IFT172: variants seen among roughly 807,000 people sequenced by gnomAD.
IFT172 encodes the protein intraflagellar transport 172, also known as intraflagellar transport protein 172 homolog.
IFT172 carries 164 observed loss-of-function variants against 248.9 expected under a neutral mutation model. The ratio of observed to expected loss-of-function variants is 0.66; its 90% confidence interval spans 0.58 to 0.75. The LOEUF (loss-of-function observed/expected upper bound fraction) is 0.75. IFT172 is among the 30% of genes least tolerant of loss of function. The probability of loss-of-function intolerance (pLI) is 0.00; values close to 1 mark genes in which losing one functional copy is unlikely to be tolerated. For synonymous variants in IFT172, 729 were observed against 791.6 expected, an observed-to-expected ratio of 0.92 and a Z score of 1.33; for missense variants, 1,950 against 2,192.4, an observed-to-expected ratio of 0.89 and a Z score of 2.21.
chr2:27,445,177 G>C lies in IFT172; in HGVS notation c.5069-72C>G, dbSNP rs543062555. On this transcript the variant is annotated intron_variant, in intron 46 of 47. Coordinates refer to ENST00000260570, the MANE Select transcript of IFT172 (RefSeq NM_015662.3). The surrounding 1 kb of genome is among the most constrained non-coding windows in gnomAD (Gnocchi z 4.4). ...GGAGGGAAAAATGAGGAGCAGCCTG[G>C]GGGGTAGAAAGCACAGTCCTGTCTT... The C allele has an allele frequency of 3.1e-6, 5 of 1,599,298 alleles. No homozygotes were observed. Among genetic ancestry groups the C allele is most frequent in the Admixed American group, 1.7e-5 (1 of 58,050 alleles).
chr2:27,454,173 G>T lies in IFT172; in HGVS notation c.3531-11C>A, dbSNP rs1489039902. The T allele has an allele frequency of 1.2e-6, 2 of 1,610,162 alleles. No homozygotes were observed. ...TGGTTATGGACAAACCTGCCTCCAG[G>T]TGGGGACAGAGGAGAGACTGAGTAT... On this transcript the variant is annotated splice_polypyrimidine_tract_variant and intron_variant, in intron 32 of 47. Transcript: ENST00000260570. This position sits in a 1 kb window ranked among gnomAD's most constrained non-coding sequence, Gnocchi z 4.2.
At chr2:27,461,858 G>A (rs1180799114) in intron 20 of IFT172, 22 bp from the exon 21 acceptor site, 2 of 1,613,760 alleles carry the variant, frequency 1.2e-6, no homozygotes, top group Non-Finnish European at 1.7e-6. Flanking sequence ...AGGCAGAGCA[G>A]AGAGGGACAC....
At chr2:27,446,082 G>A (rs1665065525) in intron 43 of IFT172, 94 bp from the exon 44 acceptor site, 1 of 1,494,194 alleles carries the variant, frequency 6.7e-7, no homozygotes. Flanking sequence ...GAGCAAGCTG[G>A]GCTTGAATGC....
At chr2:27,457,602 G>T in intron 29 of IFT172, 37 bp downstream of exon 29, 1 of 1,542,968 alleles carries the variant, frequency 6.5e-7, no homozygotes, top group Non-Finnish European at 8.9e-7. Flanking sequence ...GGGAAAGAAG[G>T]ATGGATGTAT....
intron 35 of IFT172, among the ~76,000 whole-genome samples, chr2:27,451,389 A>G (rs1161205067): frequency 2.6e-5 from 4 of 152,188 alleles, no homozygotes; most frequent in African/African-American, 9.6e-5. Flanking sequence ...GCTGATTAAA[A>G]TCTGCTAGAA....
At chr2:27,456,709 T>G (rs933355679) in intron 29 of IFT172, 56 bp from the exon 30 acceptor site, 8 of 1,577,640 alleles carry the variant, frequency 5.1e-6, no homozygotes, top group Non-Finnish European at 6.9e-6. Context: ...CCTTCTCATC[T>G]CTGACCTCGG....
At chr2:27,468,848 CAAAAAAAAAAAA>C (rs563611084) in intron 16 of IFT172, among the ~76,000 whole-genome samples, 1 of 60,310 alleles carries the variant, frequency 1.7e-5, no homozygotes, top group Non-Finnish European at 3.3e-5. Context: ...CACTCCGTCT[CAAAAAAAAAAAA>C]AGAAAAAAAA....
At chr2:27,459,234 G>T in intron 25 of IFT172, 144 bp downstream of exon 25, 1 of 1,031,336 alleles carries the variant, frequency 9.7e-7, no homozygotes, top group Non-Finnish European at 1.4e-6. Flanking sequence ...AAAGTAAACT[G>T]TTCTCTTCCC....
intron 23 of IFT172, 117 bp downstream of exon 23, chr2:27,460,898 C>T (rs1666604302): frequency 9.4e-7 from 1 of 1,062,152 alleles, no homozygotes; most frequent in Non-Finnish European, 1.4e-6. Flanking sequence ...TCTCTCGTCC[C>T]ACCTTACGAG....
rs1279330875 is a variant in IFT172, at chr2:27,463,143, A to C, written c.1976T>G (p.Phe659Cys). 1.2e-6 allele frequency: 2 copies of C among 1,614,188 alleles called. No homozygotes were observed. Among genetic ancestry groups the C allele is most frequent in the Non-Finnish European group, 8.5e-7 (1 of 1,180,034 alleles). Residue 659 changes from phenylalanine (F) to cysteine (C), a missense_variant, in exon 19 of 48, where the codon TTC becomes TGC. Around this residue, in one of 3 missense-constraint regions of IFT172, gnomAD observed 1,166 missense variants for 1,254.1 expected, o/e 0.93. Coordinates refer to ENST00000260570, the MANE Select transcript of IFT172 (RefSeq NM_015662.3). ...TGCAATCTCATTGGTCTCATGCAGGAATCGAGCTTTTGCTACTTGGCCCAA... is the reference window on the plus strand; with the variant it reads ...TGCAATCTCATTGGTCTCATGCAGGCATCGAGCTTTTGCTACTTGGCCCAA... ...SALGQVAKAR[F>C]LHETNEIADQ...
In IFT172 at chr2:27,445,068, C is replaced by T. The variant is rs2148464737; in HGVS notation, c.5106G>A (p.Arg1702=). Residue 1702 remains arginine (R), a synonymous_variant, in exon 47 of 48, where the codon CGG becomes CGA. Coordinates refer to ENST00000260570, the MANE Select transcript of IFT172 (RefSeq NM_015662.3). This position sits in a 1 kb window ranked among gnomAD's most constrained non-coding sequence, Gnocchi z 4.4. ...PILRNKIEFK[R]PGKAANKDNW... is the part of the protein sequence containing the mutation. ...TGTCCTTGTTAGCAGCCTTCCCTGG[C>T]CGCTTAAATTCAATTTTGTTCCTCA... 1.2e-6 allele frequency: 2 copies of T among 1,614,016 alleles called. No homozygotes were observed. Among genetic ancestry groups the T allele is most frequent in the Non-Finnish European group, 1.7e-6 (2 of 1,180,026 alleles).
intron 27 of IFT172, 55 bp downstream of exon 27, chr2:27,458,071 G>T (rs148164251): frequency 7.4e-6 from 12 of 1,610,932 alleles, no homozygotes; most frequent in Non-Finnish European, 1.0e-5. Flanking sequence ...CCCATCCCTC[G>T]TCCCAGCCTT....
At chr2:27,467,303 T>G (rs1468578750) in intron 16 of IFT172, among the ~76,000 whole-genome samples, 5 of 150,088 alleles carry the variant, frequency 3.3e-5, no homozygotes, top group Non-Finnish European at 7.4e-5. Flanking sequence ...CCAGATGCAG[T>G]GGCTCATGCC....
intron 26 of IFT172, among the ~76,000 whole-genome samples, chr2:27,458,462 C>G (rs140851011): frequency 3.9e-4 from 59 of 152,212 alleles, no homozygotes; most frequent in African/African-American, 1.4e-3. Flanking sequence ...CCCATTACCA[C>G]GGTAACCACT....
chr2:27,477,168 A>G (rs1572813189), intron 13 of IFT172, 49 bp downstream of exon 13: 2 of 1,521,512 alleles, frequency 1.3e-6, no homozygotes, highest in East Asian at 4.5e-5. Flanking sequence ...TAGGAGTCCA[A>G]AAGGAATTAT....
intron 30 of IFT172, 42 bp downstream of exon 30, chr2:27,456,469 T>C (rs1351225834): frequency 6.3e-7 from 1 of 1,582,238 alleles, no homozygotes; most frequent in Non-Finnish European, 8.6e-7. Context: ...ATAGTGGCTC[T>C]GGCTGGGATG....
Position 27,446,267 on chromosome 2 carries a change from G to A in IFT172, c.4748C>T (p.Ala1583Val), listed in dbSNP as rs1349603900. ...VDKAFYEAGI[A>V]AKAVGWDNMA... ...TTCCTTGTCCCAGCTCACCTTGGCA[G>A]CAATGCCTGCTTCATAGAAGGCTTT... Residue 1583 changes from alanine to valine, a missense_variant, in exon 43 of 48, where the codon GCT becomes GTT. By Grantham distance (64) the Ala-to-Val change is moderately conservative (BLOSUM62 0). Around this residue, in one of 3 missense-constraint regions of IFT172, gnomAD observed 620 missense variants for 699.0 expected, o/e 0.89. Coordinates refer to ENST00000260570, the MANE Select transcript of IFT172 (RefSeq NM_015662.3). 8 of 1,614,062 alleles carry A rather than the reference G, an allele frequency of 5.0e-6. No individual in the cohort carries two copies. The highest frequency in any genetic ancestry group is 6.8e-6 in the Non-Finnish European group (8 of 1,179,904).
rs1267958 is a variant in IFT172 at position 27,452,688 on chromosome 2, T to C, written c.3951+696A>G. On this transcript the variant is annotated intron_variant, in intron 35 of 47. Transcript: ENST00000260570. Reference sequence around the variant, plus strand: ...GGCAACCATAACACAATGGTAAGCATTTGTGTATTGAAACCTATTTAAGGC... The same window carrying C: ...GGCAACCATAACACAATGGTAAGCACTTGTGTATTGAAACCTATTTAAGGC... Among the ~76,000 whole-genome samples, 777 of 152,270 alleles carry C rather than the reference T, an allele frequency of 5.1e-3. 4 individuals are homozygous for C. The highest frequency in any genetic ancestry group is 0.018 in the African/African-American group (741 of 41,552).
chr2:27,479,171 A>AT (rs1288464988), intron 10 of IFT172, among the ~76,000 whole-genome samples: 3 of 151,986 alleles, frequency 2.0e-5, no homozygotes, highest in Admixed American at 2.0e-4. Flanking sequence ...CGCCCGGCTA[A>AT]TTTTTTTGTA....
Sources: gnomAD v4.1 joint callset for allele counts (sites outside exome capture counted in the v4.1 genomes callset) on GRCh38, gnomAD v4.1.1 for gene constraint, gnomAD v4.1.1 regional missense constraint, Gnocchi (gnomAD v3.1) non-coding constraint, MANE v1.5 for transcripts, NCBI Gene and HGNC (gene_info 2026-07-23, HGNC 2026-07-21) for gene names.